Variants in BICD1 observed in about 807,000 individuals in gnomAD.
The protein encoded by BICD1 is protein bicaudal D homolog 1.
In BICD1, 35 loss-of-function variants were observed where a neutral mutation model predicts 92.5. The observed-to-expected ratio is 0.38, with a 90% CI of 0.29 to 0.50. The LOEUF is 0.50. Ranked by LOEUF, BICD1 falls within the 20% of genes least tolerant of loss-of-function variation. The probability of loss-of-function intolerance (pLI) is 0.93; values close to 1 mark genes in which losing one functional copy is unlikely to be tolerated. For synonymous variants in BICD1, 429 were observed against 465.1 expected, an observed-to-expected ratio of 0.92 and a Z score of 1.00; for missense variants, 950 against 1,189.8, an observed-to-expected ratio of 0.80 and a Z score of 2.97.
intron 8 of BICD1, chr12:32,340,397 G>A: frequency 2.0e-6 from 2 of 985,372 alleles, no homozygotes; most frequent in Non-Finnish European, 2.4e-6. Flanking sequence ...GAAGTATTCT[G>A]TGAATCACCA....
chr12:32,151,854 CCTT>C (rs1163524399), intron 1 of BICD1, among the ~76,000 whole-genome samples: 1 of 152,206 alleles, frequency 6.6e-6, no homozygotes, highest in Non-Finnish European at 1.5e-5. Context: ...CCCTTTTTCT[CCTT>C]CCCTGTGGCC....
At chr12:32,243,706 T>A (rs1336395084) in intron 2 of BICD1, among the ~76,000 whole-genome samples, 2 of 152,196 alleles carry the variant, frequency 1.3e-5, no homozygotes, top group African/African-American at 4.8e-5. Flanking sequence ...TTAAATGTAC[T>A]GATTGTTTCT....
chr12:32,360,438 A>G (rs946731781), intron 8 of BICD1, among the ~76,000 whole-genome samples: 2 of 152,214 alleles, frequency 1.3e-5, no homozygotes, highest in Non-Finnish European at 2.9e-5. Context: ...GTAGACCAAC[A>G]AACTTTGCCT....
At chr12:32,186,643 T>G (rs1424210355) in intron 1 of BICD1, among the ~76,000 whole-genome samples, 2 of 152,194 alleles carry the variant, frequency 1.3e-5, no homozygotes, top group African/African-American at 4.8e-5. Flanking sequence ...AAATATGGAG[T>G]GCAGAAAACC....
chr12:32,267,902 C>G (rs1011908115), intron 2 of BICD1, among the ~76,000 whole-genome samples: 2 of 152,190 alleles, frequency 1.3e-5, no homozygotes, highest in African/African-American at 4.8e-5. Context: ...CTCCTGGGCT[C>G]AAGTGATCCG....
chr12:32,362,573 C>T (rs1469825365), intron 8 of BICD1, among the ~76,000 whole-genome samples: 1 of 152,184 alleles, frequency 6.6e-6, no homozygotes, highest in Non-Finnish European at 1.5e-5. Context: ...GCCTTAAAAT[C>T]AGTATCTCAA....
intron 4 of BICD1, among the ~76,000 whole-genome samples, chr12:32,310,956 C>T (rs777044562): frequency 1.3e-5 from 2 of 152,066 alleles, no homozygotes; most frequent in African/African-American, 2.4e-5. Flanking sequence ...AATGTATGCC[C>T]ATGATTTATG....
intron 1 of BICD1, among the ~76,000 whole-genome samples, chr12:32,211,751 T>C (rs1301237926): frequency 6.6e-6 from 1 of 151,124 alleles, no homozygotes; most frequent in Non-Finnish European, 1.5e-5. Context: ...CAGTTCATGC[T>C]AATTTTAAAT....
intron 8 of BICD1, among the ~76,000 whole-genome samples, chr12:32,345,827 T>A (rs1368129879): frequency 6.6e-6 from 1 of 152,174 alleles, no homozygotes; most frequent in Non-Finnish European, 1.5e-5. Context: ...AAATTTAAAT[T>A]CTCTAGTAGT....
chr12:32,303,941 G>T (rs1948137816), intron 3 of BICD1, among the ~76,000 whole-genome samples: 1 of 152,150 alleles, frequency 6.6e-6, no homozygotes, highest in African/African-American at 2.4e-5. Flanking sequence ...CAGGCGTGGT[G>T]ACGGGCACTT....
chr12:32,346,558 A>G (rs865898370), intron 8 of BICD1, among the ~76,000 whole-genome samples: 57 of 22,088 alleles, frequency 2.6e-3, no homozygotes, highest in African/African-American at 9.7e-3. Context: ...ATATATATAT[A>G]TATATATATA....
At chr12:32,228,345 G>A (rs1221906849) in intron 2 of BICD1, among the ~76,000 whole-genome samples, 1 of 152,138 alleles carries the variant, frequency 6.6e-6, no homozygotes, top group African/African-American at 2.4e-5. Flanking sequence ...CCATGTTTGT[G>A]TAGGTCTATT....
intron 1 of BICD1, among the ~76,000 whole-genome samples, chr12:32,167,422 C>T (rs1035866690): frequency 1.6e-4 from 25 of 152,206 alleles, no homozygotes; most frequent in Non-Finnish European, 3.4e-4. Flanking sequence ...TCTATGAGCA[C>T]ATAGCAATAA....
chr12:32,182,334 G>A (rs1049251840), intron 1 of BICD1, among the ~76,000 whole-genome samples: 2 of 131,110 alleles, frequency 1.5e-5, no homozygotes, highest in East Asian at 5.0e-4. Context: ...CCAGGCTGGA[G>A]TACAATGGTG....
Position 32,383,064 on chromosome 12 carries a change from G to A in BICD1, c.*5437G>A, listed in dbSNP as rs977800395. ...TTTTTATTTGCATGATTATGCTTAT[G>A]TGATGAACCATCCATGATTCTGATA... On this transcript the variant is annotated 3_prime_UTR_variant, in exon 10 of 10. Coordinates refer to ENST00000652176, the MANE Select transcript of BICD1 (RefSeq NM_001714.4). 6.6e-6 allele frequency: 1 copy of A among 152,160 alleles called. No homozygotes were observed. Among genetic ancestry groups the A allele is most frequent in the Middle Eastern group, 3.4e-3 (1 of 294 alleles). The allele number at this position is 152,160 out of a possible 1,614,324, so 9.4% of individuals were successfully genotyped here.
chr12:32,203,432 T>G (rs892865662), intron 1 of BICD1, among the ~76,000 whole-genome samples: 25 of 152,160 alleles, frequency 1.6e-4, no homozygotes, highest in Non-Finnish European at 3.5e-4. Context: ...GCCATACATA[T>G]GTGTGGCAGG....
chr12:32,327,099 G>A (rs1053312042), intron 4 of BICD1, among the ~76,000 whole-genome samples: 5 of 152,052 alleles, frequency 3.3e-5, no homozygotes, highest in Non-Finnish European at 7.4e-5. Flanking sequence ...GTACTCTAAG[G>A]CACTCAAAAT....
chr12:32,132,691 G>A (rs1439517632), intron 1 of BICD1, among the ~76,000 whole-genome samples: 1 of 152,214 alleles, frequency 6.6e-6, no homozygotes, highest in African/African-American at 2.4e-5. Context: ...TGTTGGGGAG[G>A]GGGAATGTGA....
intron 1 of BICD1, among the ~76,000 whole-genome samples, chr12:32,152,883 A>G (rs1013406690): frequency 6.6e-6 from 1 of 152,192 alleles, no homozygotes; most frequent in Non-Finnish European, 1.5e-5. Flanking sequence ...GTTCAGTTAC[A>G]TTCCAGAAGC....
Sources: gnomAD v4.1 joint callset for allele counts (sites outside exome capture counted in the v4.1 genomes callset) on GRCh38, gnomAD v4.1.1 for gene constraint, MANE v1.5 for transcripts, NCBI Gene and HGNC (gene_info 2026-07-23, HGNC 2026-07-21) for gene names.